SHLD1: variants seen among roughly 807,000 people sequenced by gnomAD.
SHLD1 encodes RINN1-REV7-interacting novel NHEJ regulator 3.
In SHLD1, 3 loss-of-function variants were observed where a neutral mutation model predicts 5.5. That is an observed-to-expected ratio of 0.54 (90% CI 0.25 to 1.40). The LOEUF (loss-of-function observed/expected upper bound fraction) is 1.40, where lower values mean the gene tolerates loss of function less well. Ranked by LOEUF, SHLD1 falls within the 40% of genes most tolerant of loss-of-function variation. The probability of loss-of-function intolerance (pLI) is 0.15; values close to 1 mark genes in which losing one functional copy is unlikely to be tolerated. For synonymous variants in SHLD1, 92 were observed against 94.3 expected (o/e 0.98, Z 0.14); for missense variants, 210 against 244.4 (o/e 0.86, Z 0.94).
chr20:5,770,004 CAA>C (rs113692130), intron 1 of SHLD1, among the ~76,000 whole-genome samples: 12 of 55,080 alleles, frequency 2.2e-4, no homozygotes, highest in Admixed American at 4.2e-4. Flanking sequence ...AACTCCTTCT[CAA>C]AAAAAAAAAA....
intron 2 of SHLD1, among the ~76,000 whole-genome samples, chr20:5,803,901 C>A (rs406018): frequency 0.086 from 9,494 of 109,936 alleles, 971 homozygotes; most frequent in African/African-American, 0.26. Flanking sequence ...AAAAAAAAAA[C>A]AAAACAAGAA....
chr20:5,832,426 A>C (rs2087739974), intron 2 of SHLD1, among the ~76,000 whole-genome samples: 1 of 152,110 alleles, frequency 6.6e-6, no homozygotes, highest in Non-Finnish European at 1.5e-5. Flanking sequence ...GTAAGCCATA[A>C]TTTGTAACTC....
intron 2 of SHLD1, among the ~76,000 whole-genome samples, chr20:5,812,095 T>G (rs2087467652): frequency 6.6e-6 from 1 of 151,456 alleles, no homozygotes; most frequent in Non-Finnish European, 1.5e-5. Context: ...TTTTTCTTTT[T>G]TTTTTTGAGG....
intron 2 of SHLD1, among the ~76,000 whole-genome samples, chr20:5,816,192 T>G (rs2087529049): frequency 6.6e-6 from 1 of 152,116 alleles, no homozygotes; most frequent in Non-Finnish European, 1.5e-5. Context: ...GTAAATATTA[T>G]TTTAAAATTT....
At chr20:5,839,212 A>G (rs1032861706) in intron 2 of SHLD1, among the ~76,000 whole-genome samples, 1 of 152,252 alleles carries the variant, frequency 6.6e-6, no homozygotes, top group Non-Finnish European at 1.5e-5. Context: ...TTGTCATGTC[A>G]AATGAAATAT....
intron 2 of SHLD1, among the ~76,000 whole-genome samples, chr20:5,849,647 G>GA (rs1159704100): frequency 1.3e-5 from 2 of 152,294 alleles, no homozygotes; most frequent in East Asian, 1.9e-4. Flanking sequence ...TCTAGAAAAT[G>GA]AAAAGGGGTG....
chr20:5,755,818 T>C (rs931519837), intron 1 of SHLD1, among the ~76,000 whole-genome samples: 3 of 152,142 alleles, frequency 2.0e-5, no homozygotes, highest in African/African-American at 4.8e-5. Flanking sequence ...CTCGGCTTCC[T>C]GGAGTGCTGG....
chr20:5,775,413 C>T (rs2122250847), intron 2 of SHLD1, among the ~76,000 whole-genome samples: 1 of 152,294 alleles, frequency 6.6e-6, no homozygotes, highest in Non-Finnish European at 1.5e-5. Flanking sequence ...TTAGGGAATT[C>T]AGTGTGGACT....
intron 1 of SHLD1, among the ~76,000 whole-genome samples, chr20:5,764,217 GTGTATATA>G (rs1386939833): frequency 6.9e-5 from 8 of 115,332 alleles, no homozygotes; most frequent in African/African-American, 2.7e-4. Flanking sequence ...ATTTGTGTGT[GTGTATATA>G]TATATATATA....
Position 5,858,605 on chromosome 20 carries a change from G to A in SHLD1, c.179-4419G>A, listed in dbSNP as rs549404001. On this transcript the variant is annotated intron_variant, in intron 2 of 2. Coordinates refer to ENST00000303142, the MANE Select transcript of SHLD1 (RefSeq NM_152504.4). ...TCCTAGCACTTTGGAAGGCCAAGGTGAGCAAATCACTTGAGGCCAGGAGTT... is the reference window on the plus strand; with the variant it reads ...TCCTAGCACTTTGGAAGGCCAAGGTAAGCAAATCACTTGAGGCCAGGAGTT... Among the ~76,000 whole-genome samples, 171 of 152,330 alleles carry A rather than the reference G, an allele frequency of 1.1e-3. 2 individuals are homozygous for A. Among genetic ancestry groups the A allele is most frequent in the African/African-American group, 3.9e-3 (162 of 41,560 alleles).
At chr20:5,821,285 G>T (rs1476981102) in intron 2 of SHLD1, among the ~76,000 whole-genome samples, 1 of 152,176 alleles carries the variant, frequency 6.6e-6, no homozygotes, top group African/African-American at 2.4e-5. Context: ...GGCTGAGGTG[G>T]GCGGATCACC....
intron 2 of SHLD1, chr20:5,773,259 T>C: frequency 1.5e-6 from 1 of 675,394 alleles, no homozygotes; most frequent in South Asian, 1.6e-5. Flanking sequence ...CTGGATGTCT[T>C]TTTGTTATTG....
At chr20:5,859,412 A>G (rs956858741) in intron 2 of SHLD1, among the ~76,000 whole-genome samples, 6 of 152,208 alleles carry the variant, frequency 3.9e-5, no homozygotes, top group Admixed American at 6.5e-5. Context: ...CCCTGACACA[A>G]AAACATCCCT....
chr20:5,812,428 T>A (rs2087472127), intron 2 of SHLD1, among the ~76,000 whole-genome samples: 2 of 152,200 alleles, frequency 1.3e-5, no homozygotes, highest in African/African-American at 2.4e-5. Flanking sequence ...CTATTATTAA[T>A]AACAGACACT....
intron 1 of SHLD1, chr20:5,756,891 C>T (rs555344433): frequency 3.7e-4 from 64 of 174,398 alleles, no homozygotes; most frequent in African/African-American, 1.4e-3. Context: ...ACTGTTCCCT[C>T]TCCAATCTGA....
rs200291492 is a variant in SHLD1, at chr20:5,806,153, C to G, written c.178+33110C>G. Among the ~76,000 whole-genome samples, 13 of 152,324 alleles carry G rather than the reference C, an allele frequency of 8.5e-5. No homozygotes were observed. In the East Asian group the frequency reaches 2.3e-3, roughly 27 times the overall value. ...ATGTTGGGATAATAGGTGTGAGCTA[C>G]CACATCTGGCTGCTTTATAATTTTT... is the stretch of plus-strand genomic sequence containing the variant. On this transcript the variant is annotated intron_variant, in intron 2 of 2. Transcript: ENST00000303142. This position sits in a 1 kb window ranked among gnomAD's most constrained non-coding sequence, Gnocchi z 7.6.
intron 2 of SHLD1, among the ~76,000 whole-genome samples, chr20:5,775,499 A>G (rs931828310): frequency 1.3e-5 from 2 of 152,230 alleles, no homozygotes; most frequent in African/African-American, 2.4e-5. Context: ...ATTGGTTGAC[A>G]GCTCTAAAAA....
intron 2 of SHLD1, among the ~76,000 whole-genome samples, chr20:5,792,747 C>T (rs950567129): frequency 1.3e-5 from 2 of 151,414 alleles, no homozygotes; most frequent in African/African-American, 4.9e-5. Flanking sequence ...GATCCCGGCT[C>T]ACTGTAGCCT....
At chr20:5,753,943 TC>T (rs528832903) in intron 1 of SHLD1, among the ~76,000 whole-genome samples, 17 of 152,250 alleles carry the variant, frequency 1.1e-4, no homozygotes, top group African/African-American at 3.6e-4. Flanking sequence ...TTAAACACAC[TC>T]CTTGTGTGTT....
Sources: gnomAD v4.1 joint callset for allele counts (sites outside exome capture counted in the v4.1 genomes callset) on GRCh38, gnomAD v4.1.1 for gene constraint, Gnocchi (gnomAD v3.1) non-coding constraint, MANE v1.5 for transcripts, NCBI Gene and HGNC (gene_info 2026-07-23, HGNC 2026-07-21) for gene names.